The following PLCXD2 variants were observed in gnomAD, a reference collection of about 807,000 sequenced individuals.
PLCXD2 encodes PI-PLC X domain-containing protein 2.
PLCXD2 carries 21 observed loss-of-function variants against 28.6 expected under a neutral mutation model. The ratio of observed to expected loss-of-function variants is 0.73; its 90% CI spans 0.52 to 1.06. The LOEUF is 1.06. Among genes scored for constraint, PLCXD2 ranks in the 50% least tolerant of loss-of-function variants. The pLI is 0.00. For missense variants in PLCXD2, 369 were observed against 376.7 expected, an observed-to-expected ratio of 0.98 and a Z score of 0.17; for synonymous variants, 140 against 150.1, an observed-to-expected ratio of 0.93 and a Z score of 0.49.
At chr3:111,693,983 T>TA (rs1940925141) in intron 1 of PLCXD2, among the ~76,000 whole-genome samples, 1 of 152,252 alleles carries the variant, frequency 6.6e-6, no homozygotes, top group Admixed American at 6.5e-5. Flanking sequence ...TCAGACAGCT[T>TA]AATAATAGGC....
chr3:111,681,814 C>A (rs535585714), intron 1 of PLCXD2, among the ~76,000 whole-genome samples: 1 of 152,308 alleles, frequency 6.6e-6, no homozygotes, highest in African/African-American at 2.4e-5. Flanking sequence ...CGTGATCTGA[C>A]CTGACCTCCA....
chr3:111,686,489 A>G (rs1940796969), intron 1 of PLCXD2, among the ~76,000 whole-genome samples: 1 of 152,198 alleles, frequency 6.6e-6, no homozygotes, highest in Admixed American at 6.5e-5. Flanking sequence ...ACTCTCCCAC[A>G]TGCCTCATGG....
chr3:111,691,670 A>T (rs1385478745), intron 1 of PLCXD2, among the ~76,000 whole-genome samples: 1 of 152,250 alleles, frequency 6.6e-6, no homozygotes, highest in Non-Finnish European at 1.5e-5. Context: ...TTGTTTAATC[A>T]ATAAGGACAT....
At chr3:111,722,053 G>A (rs1039062545) in intron 3 of PLCXD2, 8 of 152,132 alleles carry the variant, frequency 5.3e-5, no homozygotes, top group Non-Finnish European at 1.0e-4. Flanking sequence ...TCCTTCTCTT[G>A]ATGGTTCTAC....
intron 2 of PLCXD2, among the ~76,000 whole-genome samples, chr3:111,711,764 A>G (rs1299863144): frequency 6.6e-6 from 1 of 152,238 alleles, no homozygotes; most frequent in Non-Finnish European, 1.5e-5. Context: ...AGGGAATACG[A>G]AACAACTGAT....
intron 1 of PLCXD2, among the ~76,000 whole-genome samples, chr3:111,684,361 A>G (rs946409388): frequency 3.3e-5 from 5 of 150,260 alleles, no homozygotes; most frequent in Non-Finnish European, 5.9e-5. Flanking sequence ...TGTTAAAGTT[A>G]TCTTACTTCA....
chr3:111,696,063 C>A (rs1342293974), intron 1 of PLCXD2, among the ~76,000 whole-genome samples: 1 of 152,162 alleles, frequency 6.6e-6, no homozygotes, highest in Non-Finnish European at 1.5e-5. Flanking sequence ...GGAGGAGGAG[C>A]TATTGTTTAG....
At chr3:111,726,657 A>T (rs992594520) in intron 3 of PLCXD2, 2 of 152,186 alleles carry the variant, frequency 1.3e-5, no homozygotes, top group Non-Finnish European at 2.9e-5. Context: ...TAATTATCTT[A>T]TTCATACACA....
Position 111,675,029 on chromosome 3 carries a change from G to C in PLCXD2, c.-217G>C, listed in dbSNP as rs1940597549. ...AGTTTAACGGAGCTGGGACTGAGCA[G>C]ATTAAGGGAGTGGAGCGGAGGCTGG... On this transcript the variant is annotated 5_prime_UTR_variant, in exon 1 of 5. Transcript: ENST00000477665. 1 of 580,092 alleles carries C rather than the reference G, an allele frequency of 1.7e-6. No homozygotes were observed. The highest frequency in any genetic ancestry group is 1.9e-5 in the African/African-American group (1 of 53,388). The allele number at this position is 580,092 out of a possible 1,614,324, so 35.9% of individuals were successfully genotyped here.
intron 1 of PLCXD2, among the ~76,000 whole-genome samples, chr3:111,680,481 C>T (rs138537010): frequency 2.0e-5 from 3 of 152,030 alleles, no homozygotes; most frequent in African/African-American, 7.2e-5. Context: ...TCATACAAGA[C>T]CAAAACTGTC....
intron 1 of PLCXD2, 58 bp from the exon 2 acceptor site, chr3:111,707,868 G>C: frequency 2.1e-6 from 3 of 1,451,334 alleles, no homozygotes; most frequent in Non-Finnish European, 2.8e-6. Context: ...TCATCAATTG[G>C]CTTATTTTTC....
At chr3:111,675,695 A>G (rs2107834461) in intron 1 of PLCXD2, among the ~76,000 whole-genome samples, 1 of 152,294 alleles carries the variant, frequency 6.6e-6, no homozygotes, top group African/African-American at 2.4e-5. Flanking sequence ...TATCCTTCTT[A>G]CTGTTGTTAT....
At chr3:111,724,151 T>A (rs2107879653) in intron 3 of PLCXD2, 1 of 152,086 alleles carries the variant, frequency 6.6e-6, no homozygotes, top group South Asian at 2.1e-4. Flanking sequence ...GAGAGAGAGG[T>A]CGAGATGGAC....
At chr3:111,697,278 G>A (rs753680370) in intron 1 of PLCXD2, among the ~76,000 whole-genome samples, 2 of 152,156 alleles carry the variant, frequency 1.3e-5, no homozygotes, top group Admixed American at 6.6e-5. Context: ...CAGCAGGCTC[G>A]AGCTGTGCAT....
chr3:111,722,636 A>T (rs762764404), intron 3 of PLCXD2: 1 of 152,242 alleles, frequency 6.6e-6, no homozygotes, highest in Non-Finnish European at 1.5e-5. Flanking sequence ...TAAGAAGGAA[A>T]TATAAACATG....
chr3:111,678,565 G>A (rs1159677363), intron 1 of PLCXD2, among the ~76,000 whole-genome samples: 1 of 152,014 alleles, frequency 6.6e-6, no homozygotes, highest in Non-Finnish European at 1.5e-5. Context: ...CTTATTAAAG[G>A]TAAACTACTT....
intron 1 of PLCXD2, among the ~76,000 whole-genome samples, chr3:111,690,584 G>A (rs533471453): frequency 6.6e-6 from 1 of 152,172 alleles, no homozygotes; most frequent in South Asian, 2.1e-4. Flanking sequence ...TTCAAGGGTG[G>A]GGTGTGTTTT....
At chr3:111,694,006 C>G (rs1940925629) in intron 1 of PLCXD2, among the ~76,000 whole-genome samples, 1 of 152,238 alleles carries the variant, frequency 6.6e-6, no homozygotes, top group Non-Finnish European at 1.5e-5. Context: ...CCCCTTCAAG[C>G]TGTCGCTTTA....
At chr3:111,697,695 C>G (rs1419150047) in intron 1 of PLCXD2, among the ~76,000 whole-genome samples, 1 of 152,100 alleles carries the variant, frequency 6.6e-6, no homozygotes, top group Non-Finnish European at 1.5e-5. Flanking sequence ...CTCAAAAAAT[C>G]TGTCATTCAA....
Sources: gnomAD v4.1 joint callset for allele counts (sites outside exome capture counted in the v4.1 genomes callset) on GRCh38, gnomAD v4.1.1 for gene constraint, MANE v1.5 for transcripts, NCBI Gene and HGNC (gene_info 2026-07-23, HGNC 2026-07-21) for gene names.